The following MYG1 variants were observed in gnomAD, a reference collection of about 807,000 sequenced individuals.
MYG1 encodes UPF0160 protein MYG1, mitochondrial.
In MYG1, 36 loss-of-function variants were observed where a neutral mutation model predicts 43.5. That is an observed-to-expected ratio of 0.83 (90% confidence interval 0.63 to 1.09). MYG1 has a LOEUF of 1.09. Ranked by LOEUF, MYG1 falls within the 50% of genes least tolerant of loss-of-function variation. The pLI, the probability that MYG1 is intolerant of heterozygous loss-of-function variation, is 0.00. For synonymous variants in MYG1, 220 were observed against 202.8 expected, an observed-to-expected ratio of 1.08 and a Z score of -0.72; for missense variants, 529 against 495.1, an observed-to-expected ratio of 1.07 and a Z score of -0.65.
chr12:53,303,383 TG>T, intron 3 of MYG1, 190 bp downstream of exon 3: 1 of 601,588 alleles, frequency 1.7e-6, no homozygotes, highest in Non-Finnish European at 2.8e-6. Context: ...GTCTACATCC[TG>T]GGGTGGTTGT....
At position 53,307,051 on chromosome 12, in the gene MYG1, G is replaced by GC. The variant is rs778177423; in HGVS notation, c.1034dup (p.Ser346LysfsTer34). 3.1e-6 allele frequency: 5 copies of GC among 1,614,106 alleles called. No individual in the cohort carries two copies. In the East Asian group the frequency reaches 1.1e-4, roughly 36 times the overall value. On this transcript the variant is annotated frameshift_variant, in exon 7 of 7. Coordinates refer to ENST00000267103, the MANE Select transcript of MYG1 (RefSeq NM_021640.4). LOFTEE classifies it high-confidence loss of function. ...GATCCCTGGCTGCATCTTCGTCCATGCAAGCGGCTTCACTGGCGGTCACCA... is the reference window on the plus strand; with the variant it reads ...GATCCCTGGCTGCATCTTCGTCCATGCCAAGCGGCTTCACTGGCGGTCACCA...
At chr12:53,300,375 T>A in intron 2 of MYG1, 113 bp downstream of exon 2, 1 of 785,160 alleles carries the variant, frequency 1.3e-6, no homozygotes, top group Non-Finnish European at 2.0e-6. Context: ...GCTTCATCAC[T>A]GAAATCAAAC....
intron 2 of MYG1, 159 bp downstream of exon 2, chr12:53,300,421 T>A: frequency 1.8e-6 from 1 of 566,528 alleles, no homozygotes; most frequent in South Asian, 2.8e-5. Context: ...CGGCCCTGCC[T>A]GTTCTTCACC....
At chr12:53,305,832 A>G in intron 3 of MYG1, 76 bp from the exon 4 acceptor site, 1 of 1,507,856 alleles carries the variant, frequency 6.6e-7, no homozygotes, top group East Asian at 2.3e-5. Flanking sequence ...AGTGTGTATG[A>G]ACATACTTTG....
chr12:53,303,895 G>C (rs1246743058), intron 3 of MYG1: 2 of 152,208 alleles, frequency 1.3e-5, no homozygotes, highest in Non-Finnish European at 2.9e-5. Context: ...CCAGGCTGGA[G>C]TGCAGTGGCG....
chr12:53,306,279 G>GC lies in MYG1; in HGVS notation c.727dup (p.Arg243ProfsTer54). 1 of 1,614,244 alleles carries GC rather than the reference G, an allele frequency of 6.2e-7. No homozygotes were observed. Among genetic ancestry groups the GC allele is most frequent in the Non-Finnish European group, 8.5e-7 (1 of 1,180,044 alleles). On this transcript the variant is annotated frameshift_variant, in exon 5 of 7. Transcript: ENST00000267103. LOFTEE classifies it high-confidence loss of function. ...TTTCTACCAACACAGCTGGCTGCCA[G>GC]CCCGGGCCTTGGTGGAAGAGGCCCT...
rs766456893 is a variant in MYG1 at position 53,299,747 on chromosome 12, CAA to C, written c.11_12del (p.Gln4LeufsTer85). The C allele has an allele frequency of 9.3e-6, 15 of 1,612,960 alleles. No homozygotes were observed. In the East Asian group the frequency reaches 2.2e-4, roughly 24 times the overall value. The stretch of plus-strand genomic sequence containing the variant: ...CTGCAGGGAGCTGCTTATGGGACAC[CAA>C]TTCCTGCGCGGCCTCTTAACGCTGC... Reference protein sequence around the residue: MGHQFLRGLLTLLL... With the variant: MGHXFLRGLLTLLL... On this transcript the variant is annotated frameshift_variant, in exon 1 of 7. Transcript: ENST00000267103. LOFTEE classifies it high-confidence loss of function.
rs1427389170 is a variant in MYG1 at position 53,306,862 on chromosome 12, G to C, written c.947+1G>C. The stretch of plus-strand genomic sequence containing the variant: ...AGGAGCCCCACTCATTCCAAAGCCG[G>C]TGAGGCCCTAGGGAACCACTCTGCA... On this transcript the variant is annotated splice_donor_variant, in intron 6 of 6. Transcript: ENST00000267103. LOFTEE classifies it high-confidence loss of function. The C allele has an allele frequency of 2.1e-5, 34 of 1,612,414 alleles. No homozygotes were observed. Among genetic ancestry groups the C allele is most frequent in the Non-Finnish European group, 2.7e-5 (32 of 1,179,088 alleles).
intron 2 of MYG1, among the ~76,000 whole-genome samples, chr12:53,302,679 A>T (rs1944240495): frequency 1.3e-5 from 2 of 152,128 alleles, no homozygotes; most frequent in Non-Finnish European, 2.9e-5. Context: ...TCTCTCAGCC[A>T]TCATTCATGT....
In MYG1 at chr12:53,299,993, C is replaced by A. The variant is rs138701588; in HGVS notation, c.216+40C>A. 6.5e-3 allele frequency: 10,475 copies of A among 1,608,550 alleles called. 60 individuals carry two copies. Among genetic ancestry groups the A allele is most frequent in the Middle Eastern group, 0.018 (110 of 6,054 alleles). On this transcript the variant is annotated intron_variant, in intron 1 of 6. Transcript: ENST00000267103. ...AAGTGACCCTGGGACTGCGTGCATGCATGCCTCCGGGGTGGATGGCATTCC... is the reference window on the plus strand; with the variant it reads ...AAGTGACCCTGGGACTGCGTGCATGAATGCCTCCGGGGTGGATGGCATTCC...
chr12:53,304,541 T>C (rs1944255882), intron 3 of MYG1, among the ~76,000 whole-genome samples: 1 of 152,144 alleles, frequency 6.6e-6, no homozygotes, highest in African/African-American at 2.4e-5. Flanking sequence ...CACCTTGGCC[T>C]CCCAAAGTGC....
rs749905402 is a variant in MYG1, at chr12:53,305,955, C to T, written c.537C>T (p.Ile179=). Residue 179 remains isoleucine, a synonymous_variant, in exon 4 of 7, where the codon ATC becomes ATT. Transcript: ENST00000267103. ...AGGTGGATGCTGTGGACAATGGGATCTCCCAGTGGGCAGAGGGGGAGCCTC... is the reference window on the plus strand; with the variant it reads ...AGGTGGATGCTGTGGACAATGGGATTTCCCAGTGGGCAGAGGGGGAGCCTC... ...VEEVDAVDNG[I]SQWAEGEPRY... is the part of the protein sequence containing the mutation. 6.2e-6 allele frequency: 10 copies of T among 1,613,582 alleles called. No individual in the cohort carries two copies. Among genetic ancestry groups the T allele is most frequent in the Non-Finnish European group, 8.5e-6 (10 of 1,179,788 alleles).
intron 2 of MYG1, among the ~76,000 whole-genome samples, chr12:53,301,523 C>A (rs575200646): frequency 6.6e-6 from 1 of 152,108 alleles, no homozygotes; most frequent in Non-Finnish European, 1.5e-5. Flanking sequence ...AACAGCTGAC[C>A]GTGGCTTCAC....
intron 3 of MYG1, among the ~76,000 whole-genome samples, chr12:53,304,930 G>A (rs1944261193): frequency 7.3e-6 from 1 of 137,308 alleles, no homozygotes; most frequent in South Asian, 2.3e-4. Flanking sequence ...GTGCAGTGGC[G>A]GGATCTCGGC....
Position 53,300,172 on chromosome 12 carries a change from G to A in MYG1, c.239G>A (p.Arg80Gln), listed in dbSNP as rs143920895. The change falls in exon 2 of 7, where the codon CGG becomes CAG. Residue 80 changes from arginine (R) to glutamine (Q), a missense_variant. Arg to Gln is a conservative substitution (Grantham distance 43, BLOSUM62 1). Transcript: ENST00000267103. ...CAGGATGCAGAGATTGTGCGGACCC[G>A]GGATCCCGAAAAACTCGCTTCCTGT... ...EYRDAEIVRTRDPEKLASCDI... is the reference protein window; with the variant it reads ...EYRDAEIVRTQDPEKLASCDI... 3.3e-4 allele frequency: 537 copies of A among 1,603,942 alleles called. 1 individual carries two copies. The highest frequency in any genetic ancestry group is 3.7e-4 in the Non-Finnish European group (430 of 1,174,698).
At position 53,299,785 on chromosome 12, in the gene MYG1, G is replaced by T; in HGVS notation, c.48G>T (p.Pro16=). ...GCCTCTTAACGCTGCTGCTGCCGCC[G>T]CCACCCCTGTATACCCGGCACCGCA... is the stretch of plus-strand genomic sequence containing the variant. ...LRGLLTLLLP[P]PPLYTRHRML... The change falls in exon 1 of 7, where the codon CCG becomes CCT. Residue 16 remains proline, a synonymous_variant. Transcript: ENST00000267103. The T allele has an allele frequency of 6.2e-7, 1 of 1,613,920 alleles. No homozygotes were observed. Among genetic ancestry groups the T allele is most frequent in the Non-Finnish European group, 8.5e-7 (1 of 1,179,930 alleles).
chr12:53,302,652 T>C (rs1944240378), intron 2 of MYG1, among the ~76,000 whole-genome samples: 1 of 152,180 alleles, frequency 6.6e-6, no homozygotes, highest in African/African-American at 2.4e-5. Flanking sequence ...TTTGCTGAAG[T>C]TCCATCAAGA....
intron 3 of MYG1, 123 bp from the exon 4 acceptor site, chr12:53,305,785 T>C (rs1944270556): frequency 7.8e-7 from 1 of 1,276,832 alleles, no homozygotes; most frequent in Non-Finnish European, 1.1e-6. Flanking sequence ...CCTTTTCTCA[T>C]CCAGTTAATG....
At chr12:53,304,809 G>C (rs1944258337) in intron 3 of MYG1, among the ~76,000 whole-genome samples, 1 of 13,210 alleles carries the variant, frequency 7.6e-5, no homozygotes, top group South Asian at 0.056. Flanking sequence ...GCCCAGGCTG[G>C]ACTCAAAAAC....
Sources: gnomAD v4.1 joint callset for allele counts (sites outside exome capture counted in the v4.1 genomes callset) on GRCh38, gnomAD v4.1.1 for gene constraint, MANE v1.5 for transcripts, NCBI Gene and HGNC (gene_info 2026-07-23, HGNC 2026-07-21) for gene names.